Variants in MINDY3 observed in about 807,000 individuals in gnomAD.
The protein encoded by MINDY3 is ubiquitin carboxyl-terminal hydrolase MINDY-3.
MINDY3 carries 38 observed loss-of-function variants against 69.2 expected under a neutral mutation model. That is an observed-to-expected ratio of 0.55 (90% CI 0.42 to 0.72). The LOEUF is 0.72. Among genes scored for constraint, MINDY3 ranks in the 30% least tolerant of loss-of-function variants. MINDY3 has a pLI of 0.00. For missense variants in MINDY3, 522 were observed against 519.0 expected, an observed-to-expected ratio of 1.01 and a Z score of -0.06; for synonymous variants, 192 against 180.1, an observed-to-expected ratio of 1.07 and a Z score of -0.53.
chr10:15,847,383 T>C (rs1318807912), intron 2 of MINDY3, among the ~76,000 whole-genome samples: 1 of 152,232 alleles, frequency 6.6e-6, no homozygotes, highest in Non-Finnish European at 1.5e-5. Flanking sequence ...CGAATTTTAT[T>C]CAGAAAAGCC....
At position 15,778,907 on chromosome 10, in the gene MINDY3, T is replaced by A. The variant is rs1836298486; in HGVS notation, c.*85A>T. ...TTACAGTTAATCAGTGATACCAGTGTTTAGCTTAATCCAGCCAATTGCCAG... is the reference window on the plus strand; with the variant it reads ...TTACAGTTAATCAGTGATACCAGTGATTAGCTTAATCCAGCCAATTGCCAG... On this transcript the variant is annotated 3_prime_UTR_variant, in exon 15 of 15. Transcript: ENST00000277632. 8.4e-7 allele frequency: 1 copy of A among 1,184,954 alleles called. No homozygotes were observed. The highest frequency in any genetic ancestry group is 2.5e-5 in the East Asian group (1 of 39,506). 73.4% of individuals were successfully genotyped at this position (1,184,954 alleles called of 1,614,324 possible).
intron 4 of MINDY3, among the ~76,000 whole-genome samples, chr10:15,839,284 T>C (rs528809517): frequency 6.6e-6 from 1 of 151,760 alleles, no homozygotes; most frequent in East Asian, 1.9e-4. Flanking sequence ...GCAGTCCAAA[T>C]GTATTAAGTT....
intron 14 of MINDY3, among the ~76,000 whole-genome samples, chr10:15,781,229 G>A (rs1240175720): frequency 2.0e-5 from 3 of 151,872 alleles, no homozygotes; most frequent in East Asian, 3.9e-4. Context: ...TATAAAGATA[G>A]CAGTAAATTT....
chr10:15,806,695 G>C (rs1324226093), intron 10 of MINDY3, among the ~76,000 whole-genome samples: 1 of 152,068 alleles, frequency 6.6e-6, no homozygotes, highest in African/African-American at 2.4e-5. Context: ...TATTCAAGCT[G>C]GTCCTACAGC....
chr10:15,844,572 T>C (rs1275451087), intron 2 of MINDY3, among the ~76,000 whole-genome samples: 2 of 152,224 alleles, frequency 1.3e-5, no homozygotes, highest in Non-Finnish European at 2.9e-5. Context: ...TAAATTACAT[T>C]ATTGTGCATT....
Position 15,838,246 on chromosome 10 carries a change from C to T in MINDY3, c.443G>A (p.Arg148Gln), listed in dbSNP as rs117671511. ...TACTTACTGAATTAATGCATGAAAT[C>T]GCTCAAAGCCAAGCTCTTCGACAGC... Reference protein sequence around the residue: ...ALAVEELGFERFHALIQKRSF... With the variant: ...ALAVEELGFEQFHALIQKRSF... The change falls in exon 5 of 15, where the codon CGA (arginine) becomes CAA (glutamine). Residue 148 changes from arginine (R) to glutamine (Q), a missense_variant. Arg to Gln is a conservative substitution (Grantham distance 43). Coordinates refer to ENST00000277632, the MANE Select transcript of MINDY3 (RefSeq NM_024948.4). 1.2e-5 allele frequency: 19 copies of T among 1,603,690 alleles called. No individual in the cohort carries two copies. The highest frequency in any genetic ancestry group is 2.3e-5 in the East Asian group (1 of 44,360).
intron 1 of MINDY3, 68 bp downstream of exon 1, chr10:15,860,138 C>A: frequency 4.3e-6 from 5 of 1,154,870 alleles, no homozygotes; most frequent in Non-Finnish European, 6.4e-6. Context: ...GAGCGAGAGG[C>A]GTCACAGGCG....
rs553177184 is a variant in MINDY3, at chr10:15,857,583, G to A, written c.94+2623C>T. On this transcript the variant is annotated intron_variant, in intron 1 of 14. Coordinates refer to ENST00000277632, the MANE Select transcript of MINDY3 (RefSeq NM_024948.4). The stretch of plus-strand genomic sequence containing the variant: ...TAGGCAATTGAGCAGGAGGAAAGCA[G>A]AGAGAAGAATAAATTTTCACGTTAA... Among the ~76,000 whole-genome samples, 17 of 151,776 alleles carry A rather than the reference G, an allele frequency of 1.1e-4. No individual in the cohort carries two copies. In the South Asian group the frequency reaches 1.7e-3, roughly 15 times the overall value.
intron 8 of MINDY3, among the ~76,000 whole-genome samples, chr10:15,825,662 C>T (rs114898430): frequency 0.017 from 2,648 of 152,224 alleles, 53 homozygotes; most frequent in African/African-American, 0.056. Context: ...CTATAATATC[C>T]GTTTCTGTTT....
intron 10 of MINDY3, among the ~76,000 whole-genome samples, chr10:15,811,824 T>A (rs1839021782): frequency 6.6e-6 from 1 of 152,212 alleles, no homozygotes; most frequent in Non-Finnish European, 1.5e-5. Context: ...GTACAGAACA[T>A]ATAAAACTAG....
intron 13 of MINDY3, among the ~76,000 whole-genome samples, chr10:15,783,956 C>T (rs1408943100): frequency 1.3e-5 from 2 of 152,154 alleles, no homozygotes; most frequent in Non-Finnish European, 2.9e-5. Context: ...TGGTAAAGTG[C>T]ATAGACTCTG....
chr10:15,820,287 G>A lies in MINDY3; in HGVS notation c.801+1369C>T, dbSNP rs1430053605. On this transcript the variant is annotated intron_variant, in intron 9 of 14. Coordinates refer to ENST00000277632, the MANE Select transcript of MINDY3 (RefSeq NM_024948.4). The stretch of plus-strand genomic sequence containing the variant: ...CACTGGAGAGGGCTCGGCGTGTCTG[G>A]GAAAGTGAGAGGACCAGTGTGGCTG... Among the ~76,000 whole-genome samples the A allele has an allele frequency of 3.3e-5, 5 of 152,104 alleles. No homozygotes were observed. The East Asian group carries it at 9.7e-4, about 29-fold the overall frequency.
intron 8 of MINDY3, among the ~76,000 whole-genome samples, chr10:15,822,330 C>G (rs1175252817): frequency 6.6e-6 from 1 of 151,920 alleles, no homozygotes; most frequent in Non-Finnish European, 1.5e-5. Flanking sequence ...TATGTGGTCT[C>G]TCTGTACACA....
At chr10:15,803,685 C>G (rs1455007283) in intron 10 of MINDY3, among the ~76,000 whole-genome samples, 1 of 152,090 alleles carries the variant, frequency 6.6e-6, no homozygotes, top group Admixed American at 6.6e-5. Context: ...AAAACCCAGT[C>G]TGTGCACTTA....
chr10:15,778,793 G>T lies in MINDY3; in HGVS notation c.*199C>A. 1 of 451,970 alleles carries T rather than the reference G, an allele frequency of 2.2e-6. No homozygotes were observed. The highest frequency in any genetic ancestry group is 3.8e-6 in the Non-Finnish European group (1 of 261,228). 28.0% of individuals were successfully genotyped at this position (451,970 alleles called of 1,614,324 possible). A position where few individuals can be genotyped will look rare whatever the true frequency, so the allele number is the denominator to read the frequency against. ...TTTTGCTAGTAAATTTCACACGAAG[G>T]GGTAAAATAGGATAATCTTTAACAT... On this transcript the variant is annotated 3_prime_UTR_variant, in exon 15 of 15. Coordinates refer to ENST00000277632, the MANE Select transcript of MINDY3 (RefSeq NM_024948.4).
chr10:15,831,980 A>G (rs1177070551), intron 8 of MINDY3, among the ~76,000 whole-genome samples: 3 of 152,038 alleles, frequency 2.0e-5, no homozygotes, highest in Admixed American at 1.3e-4. Context: ...CCGGACATGG[A>G]GCCTCCTATT....
intron 10 of MINDY3, among the ~76,000 whole-genome samples, 199 bp downstream of exon 10, chr10:15,816,636 T>C (rs1191653398): frequency 6.6e-6 from 1 of 152,180 alleles, no homozygotes; most frequent in Non-Finnish European, 1.5e-5. Flanking sequence ...AACTAAATCA[T>C]GATAGATTTT....
At position 15,803,459 on chromosome 10, in the gene MINDY3, T is replaced by C. The variant is rs540143393; in HGVS notation, c.883-7287A>G. ...AGACAAAACACTTCAGAGGTATAAC[T>C]GCCGTATTTTTCTTATTGTACATAA... On this transcript the variant is annotated intron_variant, in intron 10 of 14. Transcript: ENST00000277632. Among the ~76,000 whole-genome samples, 4 of 152,266 alleles carry C rather than the reference T, an allele frequency of 2.6e-5. No homozygotes were observed. In the East Asian group the frequency reaches 7.7e-4, roughly 29 times the overall value.
chr10:15,801,680 G>A (rs758754012), intron 10 of MINDY3, among the ~76,000 whole-genome samples: 30 of 152,014 alleles, frequency 2.0e-4, no homozygotes, highest in African/African-American at 5.6e-4. Context: ...AAAGAGAACC[G>A]CAACAGCAAG....
Sources: allele counts gnomAD v4.1 joint callset (sites outside exome capture counted in the v4.1 genomes callset), GRCh38; gene constraint gnomAD v4.1.1; transcripts MANE v1.5; gene names NCBI Gene and HGNC (gene_info 2026-07-23, HGNC 2026-07-21).